Variants in HARS2 observed in about 807,000 individuals in gnomAD.
The protein encoded by HARS2 is histidyl-tRNA synthetase 2, mitochondrial, also known as histidine--tRNA ligase, mitochondrial.
A neutral mutation model predicts 62.4 loss-of-function variants in HARS2; 40 were observed. That is an observed-to-expected ratio of 0.64 (90% confidence interval 0.50 to 0.83). The LOEUF is 0.83. Among genes scored for constraint, HARS2 ranks in the 40% least tolerant of loss-of-function variants. The pLI is 0.00. For synonymous variants in HARS2, 228 were observed against 227.0 expected (o/e 1.00, Z -0.04); for missense variants, 569 against 626.4 (o/e 0.91, Z 0.98).
At position 140,698,834 on chromosome 5, in the gene HARS2, A is replaced by C. The variant is rs1237426040; in HGVS notation, c.*282A>C. 8.3e-6 allele frequency: 4 copies of C among 483,768 alleles called. No homozygotes were observed. The highest frequency in any genetic ancestry group is 1.5e-5 in the Non-Finnish European group (4 of 264,428). 30.0% of individuals were successfully genotyped at this position (483,768 alleles called of 1,614,324 possible). A position where few individuals can be genotyped will look rare whatever the true frequency, so the allele number is the denominator to read the frequency against. ...GTGCCACGGAACGTTGTCAAGAGGT[A>C]GTGAGATTGTTGCTGTGAGCAAGGC... On this transcript the variant is annotated 3_prime_UTR_variant, in exon 13 of 13. Transcript: ENST00000230771.
intron 11 of HARS2, 45 bp from the exon 12 acceptor site, chr5:140,697,887 C>T: frequency 6.3e-7 from 1 of 1,597,096 alleles, no homozygotes; most frequent in East Asian, 2.2e-5. Flanking sequence ...AGGTTTGTTG[C>T]TGTGTTCACT....
At position 140,698,056 on chromosome 5, in the gene HARS2, G is replaced by A. The variant is rs200089613; in HGVS notation, c.1439G>A (p.Arg480His). Residue 480 changes from arginine to histidine, a missense_variant, in exon 12 of 13, where the codon CGT becomes CAT. Physicochemically the swap from Arg to His is conservative, Grantham distance 29 (BLOSUM62 0). Transcript: ENST00000230771. Reference protein sequence around the residue: ...QELKEGVIKIRSVASREEVAI... With the variant: ...QELKEGVIKIHSVASREEVAI... The stretch of plus-strand genomic sequence containing the variant: ...CTGAAAGAAGGGGTCATCAAGATCC[G>A]TTCAGTGGCCAGCAGAGAGGAGGTG... The A allele has an allele frequency of 1.2e-4, 192 of 1,614,080 alleles. No homozygotes were observed. Among genetic ancestry groups the A allele is most frequent in the Admixed American group, 1.5e-4 (9 of 60,006 alleles).
rs182774418 is a variant in HARS2, at chr5:140,697,846, T to C, written c.1315-86T>C. On this transcript the variant is annotated intron_variant, in intron 11 of 12. Transcript: ENST00000230771. ...TTAGGGTAGGCGGACTAGCCACTTA[T>C]CTCTGGCTTTCTTGGATATCCATGT... 1.3e-4 allele frequency: 189 copies of C among 1,456,770 alleles called. No homozygotes were observed. The Middle Eastern group carries it at 1.4e-3, about 11-fold the overall frequency. 90.2% of individuals were successfully genotyped at this position (1,456,770 alleles called of 1,614,324 possible).
At chr5:140,696,333 C>G in intron 7 of HARS2, 132 bp downstream of exon 7, 3 of 814,918 alleles carry the variant, frequency 3.7e-6, no homozygotes, top group Non-Finnish European at 6.4e-6. Context: ...AGGAGGCATA[C>G]TCTGAAGGAA....
In HARS2 at chr5:140,695,443, A is replaced by G. The variant is rs547588516; in HGVS notation, c.400-65A>G. The stretch of plus-strand genomic sequence containing the variant: ...ATGAGATCCAGGCCCAGTCCTCCCT[A>G]ATGTCTGTATACTGGGCCTAATCTT... On this transcript the variant is annotated intron_variant, in intron 4 of 12. Coordinates refer to ENST00000230771, the MANE Select transcript of HARS2 (RefSeq NM_012208.4). 3.4e-4 allele frequency: 488 copies of G among 1,456,690 alleles called. 1 individual carries two copies. The highest frequency in any genetic ancestry group is 4.2e-4 in the Middle Eastern group (2 of 4,710). 90.2% of individuals were successfully genotyped at this position (1,456,690 alleles called of 1,614,324 possible).
chr5:140,692,001 T>C, intron 1 of HARS2: 1 of 578,664 alleles, frequency 1.7e-6, no homozygotes, highest in Non-Finnish European at 3.1e-6. Context: ...AATGAATGAC[T>C]TATACACGGA....
rs903620299 is a variant in HARS2 at position 140,697,997 on chromosome 5, C to T, written c.1380C>T (p.Gly460=). 1.9e-6 allele frequency: 3 copies of T among 1,613,580 alleles called. No homozygotes were observed. The African/African-American group carries it at 4.0e-5, about 22-fold the overall frequency. ...LTQLHYCEST[G]IPLVVIIGEQ... is the part of the protein sequence containing the mutation. ...AGCTGCACTATTGTGAGAGCACAGG[C>T]ATTCCACTGGTGGTCATTATTGGTG... The change falls in exon 12 of 13, where the codon GGC becomes GGT. Residue 460 remains glycine (G), a synonymous_variant. Transcript: ENST00000230771.
chr5:140,696,976 A>T lies in HARS2; in HGVS notation c.860A>T (p.Asp287Val), dbSNP rs1562058683. The T allele has an allele frequency of 6.2e-7, 1 of 1,613,764 alleles. No individual in the cohort carries two copies. The highest frequency in any genetic ancestry group is 8.5e-7 in the Non-Finnish European group (1 of 1,179,902). Residue 287 changes from aspartate (D) to valine (V), a missense_variant, in exon 9 of 13, where the codon GAT becomes GTT. Coordinates refer to ENST00000230771, the MANE Select transcript of HARS2 (RefSeq NM_012208.4). The stretch of plus-strand genomic sequence containing the variant: ...TCCCTAGTAGAGCAAATGTTTCAGG[A>T]TCCCAGACTATCCCAGAACAAGCAG... ...GVSLVEQMFQ[D>V]PRLSQNKQAL... is the part of the protein sequence containing the mutation.
intron 4 of HARS2, among the ~76,000 whole-genome samples, chr5:140,695,034 G>A (rs1759689368): frequency 6.6e-6 from 1 of 152,094 alleles, no homozygotes; most frequent in African/African-American, 2.4e-5. Flanking sequence ...TCCCATCTTG[G>A]CCTCCTAAAG....
At chr5:140,696,075 A>C (rs548143991) in intron 6 of HARS2, 28 bp from the exon 7 acceptor site, 81 of 1,521,902 alleles carry the variant, frequency 5.3e-5, no homozygotes, top group Non-Finnish European at 6.7e-5. Context: ...ATTGACAAGC[A>C]CTTGGGTCAC....
At position 140,697,264 on chromosome 5, in the gene HARS2, C is replaced by T. The variant is rs201084498; in HGVS notation, c.1055C>T (p.Pro352Leu). ...ACCCCAACTCAGGCTGGGGAGGAGC[C>T]CCTGAATGTGGGCAGTGTGGCTGCT... The part of the protein sequence containing the change: ...LQTPTQAGEE[P>L]LNVGSVAAGG... Residue 352 changes from proline (P) to leucine (L), a missense_variant, in exon 10 of 13, where the codon CCC (proline) becomes CTC (leucine). Coordinates refer to ENST00000230771, the MANE Select transcript of HARS2 (RefSeq NM_012208.4). 4.2e-5 allele frequency: 67 copies of T among 1,614,116 alleles called. No homozygotes were observed. In the East Asian group the frequency reaches 1.4e-3, roughly 33 times the overall value.
In HARS2 at chr5:140,697,367, G is replaced by C. The variant is rs766004125; in HGVS notation, c.1158G>C (p.Gly386=). 1 of 1,614,080 alleles carries C rather than the reference G, an allele frequency of 6.2e-7. No homozygotes were observed. Among genetic ancestry groups the C allele is most frequent in the Non-Finnish European group, 8.5e-7 (1 of 1,180,036 alleles). ...HKVPCVGLSI[G]VERIFYIVEQ... ...TGCCATGTGTGGGACTCAGCATTGG[G>C]GTTGAGCGAATCTTCTACATTGTGG... The change falls in exon 10 of 13, where the codon GGG becomes GGC. Residue 386 remains glycine, a synonymous_variant. Coordinates refer to ENST00000230771, the MANE Select transcript of HARS2 (RefSeq NM_012208.4).
Position 140,693,661 on chromosome 5 carries a change from C to G in HARS2, c.179C>G (p.Pro60Arg). ...QEKPNFIIKTPKGTRDLSPQH... is the reference protein window; with the variant it reads ...QEKPNFIIKTRKGTRDLSPQH... ...AAACCAAATTTTATTATCAAGACCC[C>G]AAAGGTAATACTTTTTGCCTACCCT... The change falls in exon 2 of 13, where the codon CCA becomes CGA. Residue 60 changes from proline to arginine, a missense_variant. Transcript: ENST00000230771. 1 of 1,612,970 alleles carries G rather than the reference C, an allele frequency of 6.2e-7. No individual in the cohort carries two copies. The highest frequency in any genetic ancestry group is 1.1e-5 in the South Asian group (1 of 91,064).
intron 7 of HARS2, 65 bp downstream of exon 7, chr5:140,696,266 A>G (rs766618536): frequency 8.6e-6 from 10 of 1,161,034 alleles, no homozygotes; most frequent in Non-Finnish European, 1.3e-5. Context: ...AATCCATACC[A>G]CTAGTGAAAA....
rs771350011 is a variant in HARS2 at position 140,696,530 on chromosome 5, A to G, written c.742A>G (p.Lys248Glu). 6.8e-6 allele frequency: 11 copies of G among 1,612,950 alleles called. No individual in the cohort carries two copies. The highest frequency in any genetic ancestry group is 9.3e-6 in the Non-Finnish European group (11 of 1,179,004). ...SIDKLDKMAW[K>E]DVRHEMVVKK... Reference sequence around the variant, plus strand: ...TTGGGTGTTTATGCAGATGGCTTGGAAAGATGTGAGACATGAGATGGTGGT... The same window carrying G: ...TTGGGTGTTTATGCAGATGGCTTGGGAAGATGTGAGACATGAGATGGTGGT... The change falls in exon 8 of 13, where the codon AAA becomes GAA. Residue 248 changes from lysine (K) to glutamate (E), a missense_variant. Lys to Glu is a moderately conservative substitution (Grantham distance 56). Coordinates refer to ENST00000230771, the MANE Select transcript of HARS2 (RefSeq NM_012208.4).
At chr5:140,696,252 C>A in intron 7 of HARS2, 51 bp downstream of exon 7, 2 of 1,278,634 alleles carry the variant, frequency 1.6e-6, no homozygotes, top group Non-Finnish European at 2.3e-6. Context: ...CTGCCCTGCC[C>A]TCAAATCCAT....
In HARS2 at chr5:140,698,494, T is replaced by C; in HGVS notation, c.1463T>C (p.Val488Ala). The change falls in exon 13 of 13, where the codon GTG becomes GCG. Residue 488 changes from valine (V) to alanine (A), a missense_variant and splice_region_variant. Val to Ala is a moderately conservative substitution (Grantham distance 64). Transcript: ENST00000230771. Reference sequence around the variant, plus strand: ...CATGAGGATTCTCTTATGTTTCAGGTGGCCATTAAACGGGAAAATTTTGTG... The same window carrying C: ...CATGAGGATTCTCTTATGTTTCAGGCGGCCATTAAACGGGAAAATTTTGTG... ...KIRSVASREE[V>A]AIKRENFVAE... 6.2e-7 allele frequency: 1 copy of C among 1,604,268 alleles called. No homozygotes were observed. Among genetic ancestry groups the C allele is most frequent in the East Asian group, 2.2e-5 (1 of 44,826 alleles).
intron 12 of HARS2, among the ~76,000 whole-genome samples, 195 bp downstream of exon 12, chr5:140,698,273 G>T (rs779887201): frequency 6.6e-6 from 1 of 152,192 alleles, no homozygotes; most frequent in Non-Finnish European, 1.5e-5. Context: ...AATGAAATCC[G>T]AATGGGTATT....
chr5:140,697,268 G>C lies in HARS2; in HGVS notation c.1059G>C (p.Leu353=), dbSNP rs1251731285. The change falls in exon 10 of 13, where the codon CTG becomes CTC. Residue 353 remains leucine, a synonymous_variant. Transcript: ENST00000230771. Reference sequence around the variant, plus strand: ...CAACTCAGGCTGGGGAGGAGCCCCTGAATGTGGGCAGTGTGGCTGCTGGTG... The same window carrying C: ...CAACTCAGGCTGGGGAGGAGCCCCTCAATGTGGGCAGTGTGGCTGCTGGTG... ...QTPTQAGEEP[L]NVGSVAAGGR... 6.2e-7 allele frequency: 1 copy of C among 1,614,212 alleles called. No individual in the cohort carries two copies.
Sources: allele counts gnomAD v4.1 joint callset (sites outside exome capture counted in the v4.1 genomes callset), GRCh38; gene constraint gnomAD v4.1.1; transcripts MANE v1.5; gene names NCBI Gene and HGNC (gene_info 2026-07-23, HGNC 2026-07-21).